Variants in DCDC2 observed in about 807,000 individuals in gnomAD.
The protein encoded by DCDC2 is doublecortin domain-containing protein 2.
In DCDC2, 40 loss-of-function variants were observed where a neutral mutation model predicts 50.2. That is an observed-to-expected ratio of 0.80 (90% CI 0.62 to 1.04). The LOEUF (loss-of-function observed/expected upper bound fraction) is 1.04, where lower values mean the gene tolerates loss of function less well. Among genes scored for constraint, DCDC2 ranks in the 50% least tolerant of loss-of-function variants. The pLI, the probability that DCDC2 is intolerant of heterozygous loss-of-function variation, is 0.00. For missense variants in DCDC2, 570 were observed against 581.9 expected, an observed-to-expected ratio of 0.98 and a Z score of 0.21; for synonymous variants, 234 against 210.6, an observed-to-expected ratio of 1.11 and a Z score of -0.96.
chr6:24,322,399 A>C (rs1759788394), intron 2 of DCDC2, among the ~76,000 whole-genome samples: 1 of 151,900 alleles, frequency 6.6e-6, no homozygotes, highest in Admixed American at 6.6e-5. Flanking sequence ...CCTAAAATAT[A>C]TTTCCTTGCC....
chr6:24,205,313 C>A, intron 7 of DCDC2: 2 of 1,535,196 alleles, frequency 1.3e-6, no homozygotes, highest in South Asian at 1.2e-5. Context: ...CAAAACAAGG[C>A]TGACCCAGCA....
the DCDC2 span, among the ~76,000 whole-genome samples, chr6:24,372,959 T>G: frequency 1.3e-5 from 2 of 152,128 alleles, no homozygotes; most frequent in Admixed American, 6.6e-5. Flanking sequence ...TTGAATAGGC[T>G]CTTAACAAAA....
intron 7 of DCDC2, among the ~76,000 whole-genome samples, chr6:24,205,610 A>T (rs1298727967): frequency 2.6e-5 from 4 of 152,066 alleles, no homozygotes; most frequent in Non-Finnish European, 5.9e-5. Context: ...TTGACTTTCC[A>T]TATCTCACCA....
intron 2 of DCDC2, among the ~76,000 whole-genome samples, chr6:24,305,156 C>T (rs998224395): frequency 2.6e-5 from 4 of 152,104 alleles, no homozygotes; most frequent in African/African-American, 9.7e-5. Flanking sequence ...TATTGAAATT[C>T]ATAAAAATAC....
chr6:24,299,750 C>T (rs780289459), intron 4 of DCDC2, among the ~76,000 whole-genome samples: 1 of 151,364 alleles, frequency 6.6e-6, no homozygotes, highest in Non-Finnish European at 1.5e-5. Context: ...CCAGTTTCTA[C>T]GAAAAAAAAT....
chr6:24,371,782 A>G, the DCDC2 span, among the ~76,000 whole-genome samples: 1 of 152,226 alleles, frequency 6.6e-6, no homozygotes, highest in African/African-American at 2.4e-5. Context: ...TTACAAGAAA[A>G]AAACAAACAA....
chr6:24,295,240 G>T (rs1763836220), intron 4 of DCDC2, among the ~76,000 whole-genome samples: 1 of 152,156 alleles, frequency 6.6e-6, no homozygotes, highest in South Asian at 2.1e-4. Context: ...TATCTCAATA[G>T]ATGCAGAAAA....
chr6:24,265,941 GAAAT>G (rs147773532), intron 7 of DCDC2, among the ~76,000 whole-genome samples: 24,238 of 151,388 alleles, frequency 0.16, 2,039 homozygotes, highest in South Asian at 0.26. Flanking sequence ...AAAGATCAAT[GAAAT>G]AAATAGTGGA....
chr6:24,204,638 A>G (rs1203739604), intron 8 of DCDC2, among the ~76,000 whole-genome samples: 1 of 152,230 alleles, frequency 6.6e-6, no homozygotes, highest in Non-Finnish European at 1.5e-5. Context: ...TTTTTTAAAA[A>G]TGCTTTTCTA....
At chr6:24,365,480 C>T in the DCDC2 span, among the ~76,000 whole-genome samples, 1 of 152,138 alleles carries the variant, frequency 6.6e-6, no homozygotes, top group Non-Finnish European at 1.5e-5. Context: ...TTAGTAGAGA[C>T]AGGGTTTCAC....
At position 24,301,841 on chromosome 6, in the gene DCDC2, A is replaced by G. The variant is rs1447042577; in HGVS notation, c.431T>C (p.Ile144Thr). 1.2e-6 allele frequency: 2 copies of G among 1,614,066 alleles called. No individual in the cohort carries two copies. The highest frequency in any genetic ancestry group is 2.7e-5 in the African/African-American group (2 of 74,910). The change falls in exon 4 of 10, where the codon ATT (isoleucine) becomes ACT (threonine). Residue 144 changes from isoleucine (I) to threonine (T), a missense_variant. Coordinates refer to ENST00000378454, the MANE Select transcript of DCDC2 (RefSeq NM_016356.5). ...PLQEPCTIFLIANGDLINPAS... is the reference protein window; with the variant it reads ...PLQEPCTIFLTANGDLINPAS... Reference sequence around the variant, plus strand: ...TGGGTTTATGAGGTCTCCATTTGCAATCAAGCTGGAAAACAGGGGGCAAAC... The same window carrying G: ...TGGGTTTATGAGGTCTCCATTTGCAGTCAAGCTGGAAAACAGGGGGCAAAC...
At chr6:24,253,286 G>C (rs972821923) in intron 7 of DCDC2, among the ~76,000 whole-genome samples, 6 of 152,024 alleles carry the variant, frequency 3.9e-5, no homozygotes, top group African/African-American at 1.4e-4. Flanking sequence ...ACTAATGTGA[G>C]AATAAAAATA....
chr6:24,178,701 G>C, intron 8 of DCDC2, 69 bp from the exon 9 acceptor site: 1 of 1,396,324 alleles, frequency 7.2e-7, no homozygotes, highest in Non-Finnish European at 9.8e-7. Context: ...GCACATCATA[G>C]TAATGTAATA....
intron 2 of DCDC2, among the ~76,000 whole-genome samples, chr6:24,321,806 G>T (rs1437387910): frequency 6.6e-6 from 1 of 152,156 alleles, no homozygotes; most frequent in South Asian, 2.1e-4. Context: ...TGAGACGTTT[G>T]TTTCTCCTTT....
chr6:24,305,968 C>T (rs2113841360), intron 2 of DCDC2, among the ~76,000 whole-genome samples: 1 of 151,962 alleles, frequency 6.6e-6, no homozygotes, highest in South Asian at 2.1e-4. Context: ...GCAGTGGTTG[C>T]AGTGAGCCAA....
intron 2 of DCDC2, among the ~76,000 whole-genome samples, chr6:24,308,154 G>A (rs547265446): frequency 6.6e-6 from 1 of 152,322 alleles, no homozygotes; most frequent in South Asian, 2.1e-4. Context: ...CAAGAGCAGG[G>A]CAAAAGAGCA....
chr6:24,276,934 C>A (rs958827239), intron 7 of DCDC2, among the ~76,000 whole-genome samples: 3 of 152,116 alleles, frequency 2.0e-5, no homozygotes, highest in Non-Finnish European at 4.4e-5. Context: ...CTCCTGACTT[C>A]CAGCTAGTCT....
chr6:24,309,169 C>CA (rs1462745929), intron 2 of DCDC2, among the ~76,000 whole-genome samples: 5 of 151,842 alleles, frequency 3.3e-5, no homozygotes, highest in African/African-American at 1.2e-4. Flanking sequence ...ACTAAAAATA[C>CA]AAAAAATTAG....
chr6:24,359,330 ATATATTATATATTATATATATTTTATG>A (rs1405384099), upstream of DCDC2, among the ~76,000 whole-genome samples: 55 of 64,454 alleles, frequency 8.5e-4, 4 homozygotes, highest in African/African-American at 3.6e-3. Flanking sequence ...ATATTTTTAT[ATATATTATATATTATATATATTTTATG>A]TATATTATAT....
Sources: gnomAD v4.1 joint callset for allele counts (sites outside exome capture counted in the v4.1 genomes callset) on GRCh38, gnomAD v4.1.1 for gene constraint, MANE v1.5 for transcripts, NCBI Gene and HGNC (gene_info 2026-07-23, HGNC 2026-07-21) for gene names.